FBN2: variants seen among roughly 807,000 people sequenced by gnomAD.
FBN2 encodes the protein fibrillin-2.
Under a neutral mutation model 355.6 loss-of-function variants are expected in FBN2, and 105 were observed. The ratio of observed to expected loss-of-function variants is 0.30; its 90% CI spans 0.25 to 0.35. The LOEUF is 0.35. Ranked by LOEUF, FBN2 falls within the 10% of genes least tolerant of loss-of-function variation. The pLI, the probability that FBN2 is intolerant of heterozygous loss-of-function variation, is 1.00. For synonymous variants in FBN2, 1,350 were observed against 1,301.2 expected (o/e 1.04, Z -0.81); for missense variants, 3,280 against 3,758.7 (o/e 0.87, Z 3.33).
chr5:128,393,451 C>T, intron 9 of FBN2, 83 bp from the exon 10 acceptor site: 2 of 1,152,384 alleles, frequency 1.7e-6, no homozygotes, highest in East Asian at 2.4e-5. Context: ...TACTAAGTCA[C>T]TTTGGGTTAC....
intron 62 of FBN2, among the ~76,000 whole-genome samples, chr5:128,270,569 A>G (rs931029087): frequency 1.3e-5 from 2 of 152,160 alleles, no homozygotes; most frequent in East Asian, 1.9e-4. Context: ...CGGCAATATC[A>G]TCATTCAGGA....
rs1765461674 is a variant in FBN2 at position 128,278,796 on chromosome 5, C to T, written c.7184G>A (p.Cys2395Tyr). ...ATTGCGACTACTGGATGCCATTTGA[C>T]ATATTGTCTGCAGTACCTCTGCAAA... ...LCFAEVLQTI[C>Y]QMASSSRNLV... is the part of the protein sequence containing the mutation. The change falls in exon 57 of 65, where the codon TGT (cysteine) becomes TAT (tyrosine). Residue 2395 changes from cysteine (C) to tyrosine (Y), a missense_variant. Transcript: ENST00000262464. 2 of 1,613,996 alleles carry T rather than the reference C, an allele frequency of 1.2e-6. No individual in the cohort carries two copies. Among genetic ancestry groups the T allele is most frequent in the Non-Finnish European group, 1.7e-6 (2 of 1,180,018 alleles).
intron 7 of FBN2, among the ~76,000 whole-genome samples, chr5:128,426,030 T>C (rs562091140): frequency 6.6e-6 from 1 of 152,250 alleles, no homozygotes; most frequent in African/African-American, 2.4e-5. Flanking sequence ...TAGGGAGAAG[T>C]CACTCCTAAT....
chr5:128,408,361 C>A (rs567203026), intron 8 of FBN2, among the ~76,000 whole-genome samples: 3 of 152,150 alleles, frequency 2.0e-5, no homozygotes, highest in African/African-American at 7.2e-5. Flanking sequence ...TGATTCATAG[C>A]ACAAAAGAAG....
At chr5:128,304,832 A>G in intron 45 of FBN2, 125 bp downstream of exon 45, 2 of 1,188,670 alleles carry the variant, frequency 1.7e-6, no homozygotes, top group Non-Finnish European at 1.3e-6. Flanking sequence ...AGTTTGACCT[A>G]GTTAATTTTT....
intron 5 of FBN2, among the ~76,000 whole-genome samples, chr5:128,518,488 T>C (rs1348786162): frequency 1.3e-5 from 2 of 152,110 alleles, no homozygotes; most frequent in Non-Finnish European, 2.9e-5. Flanking sequence ...CATGTGACTC[T>C]GGGGAAGCTT....
intron 2 of FBN2, among the ~76,000 whole-genome samples, chr5:128,534,818 A>T (rs544400917): frequency 3.9e-5 from 6 of 152,328 alleles, no homozygotes; most frequent in Admixed American, 2.6e-4. Flanking sequence ...ACAGATTTTC[A>T]ACACGTACCA....
chr5:128,353,942 C>G (rs776670397), intron 20 of FBN2, among the ~76,000 whole-genome samples: 6 of 152,142 alleles, frequency 3.9e-5, no homozygotes, highest in South Asian at 2.1e-4. Context: ...CCCGCACCCC[C>G]CTACAGGCTC....
chr5:128,303,032 CCAACGGTGTTTTTA>C lies in FBN2; in HGVS notation c.5844_5857del (p.Cys1948TrpfsTer4). On this transcript the variant is annotated frameshift_variant, in exon 46 of 65. Transcript: ENST00000262464. LOFTEE classifies it high-confidence loss of function. ...TGGGTAGCACAGACAGTTATAGGAT[CCAACGGTGTTTTTA>C]CAAGTTCCATTTCCACATGGATGCC... 6.2e-7 allele frequency: 1 copy of C among 1,613,132 alleles called. No individual in the cohort carries two copies. Among genetic ancestry groups the C allele is most frequent in the Non-Finnish European group, 8.5e-7 (1 of 1,179,208 alleles).
At chr5:128,418,989 A>G (rs929879871) in intron 7 of FBN2, among the ~76,000 whole-genome samples, 2 of 152,144 alleles carry the variant, frequency 1.3e-5, no homozygotes, top group Non-Finnish European at 2.9e-5. Flanking sequence ...CATGGTGTAT[A>G]TTTGTTTATT....
chr5:128,385,430 G>T (rs1274383999), intron 11 of FBN2, among the ~76,000 whole-genome samples: 1 of 152,090 alleles, frequency 6.6e-6, no homozygotes, highest in East Asian at 1.9e-4. Context: ...TGGTGTCTAT[G>T]TACCACATTT....
At chr5:128,367,416 T>C (rs1023369170) in intron 16 of FBN2, among the ~76,000 whole-genome samples, 7 of 152,312 alleles carry the variant, frequency 4.6e-5, no homozygotes, top group Admixed American at 3.9e-4. Context: ...TCTGAAATCC[T>C]GTTTATGTAC....
At chr5:128,404,888 CTGGCCAGAGGTCATGGCTCA>C (rs1416372719) in intron 8 of FBN2, among the ~76,000 whole-genome samples, 1 of 152,198 alleles carries the variant, frequency 6.6e-6, no homozygotes, top group Non-Finnish European at 1.5e-5. Context: ...AAAAGCGATA[CTGGCCAGAGGTCATGGCTCA>C]TGCCTTTAAT....
At chr5:128,344,621 A>T in intron 24 of FBN2, 111 bp from the exon 25 acceptor site, 1 of 951,902 alleles carries the variant, frequency 1.1e-6, no homozygotes. Flanking sequence ...TCCAAGTAAA[A>T]AACAGGGCTA....
intron 5 of FBN2, among the ~76,000 whole-genome samples, chr5:128,489,933 A>G (rs1485783188): frequency 6.6e-6 from 1 of 152,212 alleles, no homozygotes; most frequent in African/African-American, 2.4e-5. Context: ...CTACAGTACA[A>G]AGACCACATA....
chr5:128,413,421 A>AT (rs1375044482), intron 7 of FBN2, among the ~76,000 whole-genome samples: 2 of 152,162 alleles, frequency 1.3e-5, no homozygotes, highest in Non-Finnish European at 2.9e-5. Context: ...AAACAGGGGG[A>AT]TTGTCAAGTG....
In FBN2 at chr5:128,537,510, G is replaced by A. The variant is rs1163494935; in HGVS notation, c.94C>T (p.Pro32Ser). 1 of 1,577,060 alleles carries A rather than the reference G, an allele frequency of 6.3e-7. No individual in the cohort carries two copies. The highest frequency in any genetic ancestry group is 8.6e-7 in the Non-Finnish European group (1 of 1,164,476). Reference sequence around the variant, plus strand: ...GGCCGGGGCGGCTTGGGCGGAGGAGGCTGAGGCTGGCCGGCCGTGCCCTGC... The same window carrying A: ...GGCCGGGGCGGCTTGGGCGGAGGAGACTGAGGCTGGCCGGCCGTGCCCTGC... ...WAQGTAGQPQ[P>S]PPPKPPRPQP... The change falls in exon 1 of 65, where the codon CCT (proline) becomes TCT (serine). Residue 32 changes from proline (P) to serine (S), a missense_variant. This residue lies in a region of FBN2 where 203 missense variants were observed against 142.2 expected (regional missense o/e 1.43). Transcript: ENST00000262464.
chr5:128,423,036 G>A (rs1350812845), intron 7 of FBN2, among the ~76,000 whole-genome samples: 1 of 152,170 alleles, frequency 6.6e-6, no homozygotes, highest in Non-Finnish European at 1.5e-5. Context: ...TGGTGGCCAA[G>A]AGACTGAGAT....
intron 17 of FBN2, 129 bp from the exon 18 acceptor site, chr5:128,364,854 T>TG: frequency 2.6e-6 from 2 of 771,802 alleles, no homozygotes; most frequent in Non-Finnish European, 4.4e-6. Flanking sequence ...TGCCTGCCTT[T>TG]CAGAAAGGAA....
Sources: allele counts gnomAD v4.1 joint callset (sites outside exome capture counted in the v4.1 genomes callset), GRCh38; gene constraint gnomAD v4.1.1; regional missense constraint gnomAD v4.1.1; transcripts MANE v1.5; gene names NCBI Gene and HGNC (gene_info 2026-07-23, HGNC 2026-07-21).